Variants in MGA observed in about 807,000 individuals in gnomAD.
The protein encoded by MGA is MAX dimerization protein MGA.
MGA carries 40 observed loss-of-function variants against 261.1 expected under a neutral mutation model. The observed-to-expected ratio is 0.15, with a 90% CI of 0.12 to 0.20. MGA has a LOEUF of 0.20. Ranked by LOEUF, MGA falls within the 10% of genes least tolerant of loss-of-function variation. The probability of loss-of-function intolerance (pLI) is 1.00; values close to 1 mark genes in which losing one functional copy is unlikely to be tolerated. For missense variants in MGA, 3,397 were observed against 3,630.5 expected, an observed-to-expected ratio of 0.94 and a Z score of 1.65; for synonymous variants, 1,302 against 1,290.6, an observed-to-expected ratio of 1.01 and a Z score of -0.19.
At chr15:41,681,925 T>A (rs770729349) in intron 2 of MGA, among the ~76,000 whole-genome samples, 9 of 152,206 alleles carry the variant, frequency 5.9e-5, no homozygotes, top group Non-Finnish European at 1.2e-4. Flanking sequence ...ATTTGTTTTT[T>A]TGTTTTTCCG....
intron 1 of MGA, among the ~76,000 whole-genome samples, chr15:41,622,715 TG>T (rs2056336072): frequency 1.3e-5 from 2 of 152,282 alleles, no homozygotes; most frequent in African/African-American, 4.8e-5. Flanking sequence ...TTCCACTTGG[TG>T]GGCTATCTTT....
chr15:41,652,686 G>T (rs2057091204), intron 1 of MGA, among the ~76,000 whole-genome samples: 1 of 151,890 alleles, frequency 6.6e-6, no homozygotes, highest in African/African-American at 2.4e-5. Context: ...TAGTGTTCCA[G>T]AGGTTTTTCT....
intron 1 of MGA, among the ~76,000 whole-genome samples, chr15:41,666,702 CTCTTT>C (rs1260282427): frequency 6.6e-6 from 1 of 152,206 alleles, no homozygotes; most frequent in Non-Finnish European, 1.5e-5. Context: ...CTTATACATT[CTCTTT>C]TGTGACTGTT....
At chr15:41,729,003 G>A (rs571854971) in intron 10 of MGA, among the ~76,000 whole-genome samples, 161 bp from the exon 11 acceptor site, 1 of 152,228 alleles carries the variant, frequency 6.6e-6, no homozygotes, top group South Asian at 2.1e-4. Flanking sequence ...CTGCCCTAAG[G>A]TTCGGCACAT....
chr15:41,680,111 T>A (rs1270795914), intron 2 of MGA, among the ~76,000 whole-genome samples: 2 of 152,214 alleles, frequency 1.3e-5, no homozygotes, highest in African/African-American at 4.8e-5. Flanking sequence ...TTGGTATAGC[T>A]TTATGATGGT....
At chr15:41,662,685 GTTT>G (rs1347078697) in intron 1 of MGA, among the ~76,000 whole-genome samples, 1 of 152,096 alleles carries the variant, frequency 6.6e-6, no homozygotes, top group Non-Finnish European at 1.5e-5. Flanking sequence ...TCCACATTCT[GTTT>G]TTAAGAAACT....
At chr15:41,681,409 T>C (rs1248577212) in intron 2 of MGA, among the ~76,000 whole-genome samples, 1 of 151,982 alleles carries the variant, frequency 6.6e-6, no homozygotes, top group Non-Finnish European at 1.5e-5. Context: ...GTTTTTTTTT[T>C]TTTTTAATTC....
intron 1 of MGA, among the ~76,000 whole-genome samples, chr15:41,662,050 C>T (rs1252389097): frequency 6.6e-6 from 1 of 152,106 alleles, no homozygotes; most frequent in Non-Finnish European, 1.5e-5. Context: ...GCGTCTGCTC[C>T]TCTCGGGGAA....
At chr15:41,745,892 C>CACTG (rs2062436189) in intron 15 of MGA, among the ~76,000 whole-genome samples, 1 of 152,272 alleles carries the variant, frequency 6.6e-6, no homozygotes, top group East Asian at 1.9e-4. Flanking sequence ...AGGCATGAGC[C>CACTG]ACTGCATCCT....
intron 1 of MGA, among the ~76,000 whole-genome samples, chr15:41,622,393 C>T (rs1459020352): frequency 1.3e-5 from 2 of 151,678 alleles, no homozygotes; most frequent in African/African-American, 4.9e-5. Context: ...AGACAACCGC[C>T]ACCCCGCCAA....
At chr15:41,660,373 G>T (rs1027939625), upstream of MGA, 1 of 152,642 alleles carries the variant, frequency 6.6e-6, no homozygotes, top group Admixed American at 6.5e-5. Flanking sequence ...CGGGCTCCGA[G>T]CGGGTAGGAG....
At chr15:41,691,625 T>C (rs1165922807) in intron 2 of MGA, 5 of 518,694 alleles carry the variant, frequency 9.6e-6, no homozygotes, top group Non-Finnish European at 1.2e-5. Context: ...GGAGTATTTT[T>C]ATGCAATCTG....
intron 5 of MGA, among the ~76,000 whole-genome samples, chr15:41,700,009 T>C (rs2059751793): frequency 6.6e-6 from 1 of 151,186 alleles, no homozygotes; most frequent in Admixed American, 6.6e-5. Context: ...TGTGCTATGG[T>C]GGTTTCCTGT....
intron 2 of MGA, among the ~76,000 whole-genome samples, chr15:41,685,764 C>A (rs773357229): frequency 6.6e-6 from 1 of 150,922 alleles, no homozygotes. Flanking sequence ...GAGGCCGAGG[C>A]GGGAGGATCA....
At chr15:41,742,396 GA>G (rs1283835475) in intron 14 of MGA, 149 bp from the exon 15 acceptor site, 18 of 995,794 alleles carry the variant, frequency 1.8e-5, no homozygotes, top group South Asian at 5.5e-5. Flanking sequence ...TCTTAAAAAA[GA>G]AAAAAAAGAA....
upstream of MGA, among the ~76,000 whole-genome samples, chr15:41,656,771 TTTTC>T (rs1190171072): frequency 4.6e-5 from 7 of 152,038 alleles, no homozygotes; most frequent in Non-Finnish European, 1.0e-4. Flanking sequence ...TAAGAAACTC[TTTTC>T]TTTCTTTAAG....
intron 2 of MGA, among the ~76,000 whole-genome samples, chr15:41,688,945 G>A (rs2059116845): frequency 6.6e-6 from 1 of 152,042 alleles, no homozygotes; most frequent in Admixed American, 6.6e-5. Flanking sequence ...GGGGAGCGGG[G>A]GATGTCTCTC....
chr15:41,759,465 T>TG (rs1491320385), intron 19 of MGA, among the ~76,000 whole-genome samples: 2 of 49,066 alleles, frequency 4.1e-5, no homozygotes, highest in African/African-American at 9.6e-5. Context: ...TGTGTGTGTA[T>TG]TTTTTTTTTT....
intron 19 of MGA, among the ~76,000 whole-genome samples, chr15:41,759,464 A>G (rs1002719315): frequency 0.096 from 9,008 of 93,612 alleles, 231 homozygotes; most frequent in Middle Eastern, 0.17. Flanking sequence ...GTGTGTGTGT[A>G]TTTTTTTTTT....
Sources: allele counts gnomAD v4.1 joint callset (sites outside exome capture counted in the v4.1 genomes callset), GRCh38; gene constraint gnomAD v4.1.1; transcripts MANE v1.5; gene names NCBI Gene and HGNC (gene_info 2026-07-23, HGNC 2026-07-21).